The following KHDRBS2 variants were observed in gnomAD, a reference collection of about 807,000 sequenced individuals.
KHDRBS2 encodes KH domain-containing, RNA-binding, signal transduction-associated protein 2.
A neutral mutation model predicts 44.3 loss-of-function variants in KHDRBS2; 26 were observed. The observed-to-expected ratio is 0.59, with a 90% CI of 0.43 to 0.81. KHDRBS2 has a LOEUF of 0.81. Among genes scored for constraint, KHDRBS2 ranks in the 40% least tolerant of loss-of-function variants. The probability of loss-of-function intolerance (pLI) is 0.00; values close to 1 mark genes in which losing one functional copy is unlikely to be tolerated. For synonymous variants in KHDRBS2, 194 were observed against 151.1 expected (o/e 1.28, Z -2.08); for missense variants, 476 against 433.1 (o/e 1.10, Z -0.88).
chr6:62,231,247 T>A (rs1832850081), intron 1 of KHDRBS2, among the ~76,000 whole-genome samples: 1 of 152,096 alleles, frequency 6.6e-6, no homozygotes, highest in Non-Finnish European at 1.5e-5. Flanking sequence ...GCTGGGTAAT[T>A]AATAGAAAGA....
At chr6:62,119,988 A>G (rs1171893727) in intron 2 of KHDRBS2, among the ~76,000 whole-genome samples, 1 of 152,180 alleles carries the variant, frequency 6.6e-6, no homozygotes, top group African/African-American at 2.4e-5. Context: ...TTTCTAATTT[A>G]TATAAGCAGA....
intron 2 of KHDRBS2, among the ~76,000 whole-genome samples, chr6:62,150,302 G>GAAA (rs5876783): frequency 6.8e-6 from 1 of 146,378 alleles, no homozygotes. Context: ...AGAGATTGTG[G>GAAA]AAAAAAAAAA....
At chr6:62,046,432 A>G (rs1188603941) in intron 3 of KHDRBS2, among the ~76,000 whole-genome samples, 2 of 151,990 alleles carry the variant, frequency 1.3e-5, no homozygotes, top group Non-Finnish European at 2.9e-5. Context: ...GTTAAGTGAT[A>G]AAAGAGTACT....
intron 6 of KHDRBS2, among the ~76,000 whole-genome samples, chr6:61,844,519 G>T (rs1794079295): frequency 6.6e-6 from 1 of 152,042 alleles, no homozygotes; most frequent in Admixed American, 6.6e-5. Flanking sequence ...TGCCTGGAAT[G>T]ACCTCACTTC....
intron 4 of KHDRBS2, among the ~76,000 whole-genome samples, chr6:61,914,663 A>C (rs1164351031): frequency 6.6e-6 from 1 of 152,134 alleles, no homozygotes. Flanking sequence ...TATAATAATA[A>C]TACTTTTTAA....
At chr6:61,810,100 C>T (rs1232010433) in intron 6 of KHDRBS2, among the ~76,000 whole-genome samples, 2 of 152,050 alleles carry the variant, frequency 1.3e-5, no homozygotes, top group East Asian at 3.9e-4. Context: ...CTTTGAGGTA[C>T]AGCATTCTCC....
chr6:62,067,638 C>T (rs959077840), intron 2 of KHDRBS2, among the ~76,000 whole-genome samples: 8 of 151,530 alleles, frequency 5.3e-5, no homozygotes, highest in South Asian at 2.1e-4. Context: ...CAATTTTTTA[C>T]GTATGTTCAC....
intron 6 of KHDRBS2, among the ~76,000 whole-genome samples, chr6:61,769,306 C>T (rs538978619): frequency 1.3e-5 from 2 of 152,164 alleles, no homozygotes; most frequent in South Asian, 2.1e-4. Context: ...GAGTGCCAGA[C>T]AGTAGGTACA....
At chr6:62,258,819 T>C (rs1345147641) in intron 1 of KHDRBS2, among the ~76,000 whole-genome samples, 1 of 152,034 alleles carries the variant, frequency 6.6e-6, no homozygotes, top group Non-Finnish European at 1.5e-5. Context: ...ATAAGTAATG[T>C]TCCTATTGGT....
Position 62,264,408 on chromosome 6 carries a change from T to C in KHDRBS2, c.91+21450A>G, listed in dbSNP as rs78814332. Among the ~76,000 whole-genome samples, 24 of 151,956 alleles carry C rather than the reference T, an allele frequency of 1.6e-4. No individual in the cohort carries two copies. The East Asian group carries it at 3.3e-3, about 21-fold the overall frequency. On this transcript the variant is annotated intron_variant, in intron 1 of 8. Transcript: ENST00000281156. ...ATATCCATAATCATTTTTTATTCTA[T>C]GTACTCGAATATAGCAGTTACATTC...
At chr6:62,048,018 G>T in intron 2 of KHDRBS2, 24 bp from the exon 3 acceptor site, 1 of 1,240,622 alleles carries the variant, frequency 8.1e-7, no homozygotes, top group Non-Finnish European at 1.2e-6. Context: ...TCAATAGAAT[G>T]TCTGTTTTAA....
chr6:61,543,086 G>A, the KHDRBS2 span, among the ~76,000 whole-genome samples: 2 of 151,836 alleles, frequency 1.3e-5, no homozygotes, highest in Admixed American at 1.3e-4. Context: ...CACAAGCACA[G>A]GCAACCAAAG....
At chr6:62,065,321 G>T (rs1200783771) in intron 2 of KHDRBS2, among the ~76,000 whole-genome samples, 1 of 151,904 alleles carries the variant, frequency 6.6e-6, no homozygotes, top group Non-Finnish European at 1.5e-5. Flanking sequence ...CTGCTATAAA[G>T]ACACATGCAC....
chr6:61,633,673 T>C, the KHDRBS2 span, among the ~76,000 whole-genome samples: 1 of 152,200 alleles, frequency 6.6e-6, no homozygotes, highest in South Asian at 2.1e-4. Context: ...CAGTCCCTTG[T>C]ACTGCACTTA....
At chr6:61,878,788 G>T (rs1362687932) in intron 6 of KHDRBS2, among the ~76,000 whole-genome samples, 1 of 151,964 alleles carries the variant, frequency 6.6e-6, no homozygotes, top group African/African-American at 2.4e-5. Context: ...CACTGGCTCT[G>T]CCACTTACTG....
the KHDRBS2 span, among the ~76,000 whole-genome samples, chr6:61,562,672 C>T: frequency 6.6e-6 from 1 of 151,950 alleles, no homozygotes; most frequent in African/African-American, 2.4e-5. Flanking sequence ...AAGATAGAAC[C>T]CCCATCTTCC....
intron 2 of KHDRBS2, among the ~76,000 whole-genome samples, chr6:62,114,106 C>A (rs115657571): frequency 6.6e-6 from 1 of 152,074 alleles, no homozygotes; most frequent in South Asian, 2.1e-4. Flanking sequence ...ATGAGAACAG[C>A]ATGAGGGTCA....
intron 3 of KHDRBS2, among the ~76,000 whole-genome samples, chr6:61,996,396 ATCTC>A (rs1044145579): frequency 3.9e-5 from 6 of 152,218 alleles, no homozygotes; most frequent in Admixed American, 6.5e-5. Context: ...CACTATTTAA[ATCTC>A]TCTCTATCCA....
At chr6:61,766,869 T>A (rs1414543591) in intron 6 of KHDRBS2, among the ~76,000 whole-genome samples, 1 of 152,098 alleles carries the variant, frequency 6.6e-6, no homozygotes, top group Non-Finnish European at 1.5e-5. Context: ...AAACTTGTTT[T>A]GTGTCCTAAT....
Sources: allele counts gnomAD v4.1 joint callset (sites outside exome capture counted in the v4.1 genomes callset), GRCh38; gene constraint gnomAD v4.1.1; transcripts MANE v1.5; gene names NCBI Gene and HGNC (gene_info 2026-07-23, HGNC 2026-07-21).